FRMPD4: variants seen among roughly 807,000 people sequenced by gnomAD.
FRMPD4 encodes the protein FERM and PDZ domain-containing protein 4.
A neutral mutation model predicts 94.1 loss-of-function variants in FRMPD4; 22 were observed. That is an observed-to-expected ratio of 0.23 (90% CI 0.17 to 0.33). The LOEUF (loss-of-function observed/expected upper bound fraction) is 0.33. Among genes scored for constraint, FRMPD4 ranks in the 10% least tolerant of loss-of-function variants. The pLI is 1.00. For missense variants in FRMPD4, 1,111 were observed against 1,339.9 expected, an observed-to-expected ratio of 0.83 and a Z score of 2.67; for synonymous variants, 631 against 548.6, an observed-to-expected ratio of 1.15 and a Z score of -2.10.
At chrX:12,395,401 A>G (rs1341107205) in intron 1 of FRMPD4, among the ~76,000 whole-genome samples, 1 of 112,410 alleles carries the variant, frequency 8.9e-6, no homozygotes, top group Non-Finnish European at 1.9e-5. Context: ...TATTTTAAGG[A>G]GCAAAGTTTT....
chrX:11,994,799 C>CA (rs769771237), intron 3 of FRMPD4, among the ~76,000 whole-genome samples: 230 of 111,801 alleles, frequency 2.1e-3, no homozygotes, highest in Non-Finnish European at 3.7e-3. Flanking sequence ...GGGGCTTATT[C>CA]ATCTCAGTAA....
intron 11 of FRMPD4, among the ~76,000 whole-genome samples, chrX:12,706,086 C>T (rs1251697882): frequency 9.7e-6 from 1 of 102,997 alleles, no homozygotes; most frequent in African/African-American, 3.5e-5. Flanking sequence ...AAACATGGAC[C>T]TTTTTTTTTT....
intron 1 of FRMPD4, among the ~76,000 whole-genome samples, chrX:11,840,744 T>A (rs866867394): frequency 1.4e-3 from 148 of 106,142 alleles, no homozygotes; most frequent in Admixed American, 6.6e-3. Context: ...TATTTTTTTT[T>A]AATTTTATTA....
In FRMPD4 at chrX:12,387,710, T is replaced by C. The variant is rs184193858; in HGVS notation, c.42-110970T>C. Among the ~76,000 whole-genome samples, 1,100 of 110,196 alleles carry C rather than the reference T, an allele frequency of 1.0e-2. 19 individuals carry two copies. The highest frequency in any genetic ancestry group is 0.034 in the African/African-American group (1,043 of 30,361). Reference sequence around the variant, plus strand: ...GGACTGCTGTTTTTTGTTTGTTTTTTTTTTTCCTGTAAGTCTCTGAGGACT... The same window carrying C: ...GGACTGCTGTTTTTTGTTTGTTTTTCTTTTTCCTGTAAGTCTCTGAGGACT... On this transcript the variant is annotated intron_variant, in intron 1 of 16. Transcript: ENST00000675598.
intron 14 of FRMPD4, among the ~76,000 whole-genome samples, chrX:12,715,808 C>T (rs1188248786): frequency 8.9e-6 from 1 of 111,944 alleles, no homozygotes; most frequent in African/African-American, 3.2e-5. Flanking sequence ...TTCCCTACCC[C>T]CAGATGGTAT....
In FRMPD4 at chrX:12,573,916, G is replaced by A. The variant is rs2058783572; in HGVS notation, c.159-35805G>A. ...AGACATTAAAGATTTTTTTTTTAATGTAAAGCAGTGCCACTCTTCTAAATT... is the reference window on the plus strand; with the variant it reads ...AGACATTAAAGATTTTTTTTTTAATATAAAGCAGTGCCACTCTTCTAAATT... On this transcript the variant is annotated intron_variant, in intron 2 of 16. Transcript: ENST00000675598. 2.7e-5 allele frequency among the ~76,000 whole-genome samples: 3 copies of A among 112,182 alleles called. No homozygotes were observed. In the Admixed American group the frequency reaches 2.8e-4, roughly 11 times the overall value.
At position 12,002,485 on chromosome X, in the gene FRMPD4, G is replaced by A. The variant is rs143625089; in HGVS notation, c.95+124467G>A. 3.0e-4 allele frequency among the ~76,000 whole-genome samples: 34 copies of A among 112,244 alleles called. 1 individual carries two copies. In the East Asian group the frequency reaches 9.5e-3, roughly 31 times the overall value. ...AGCCAAGTAAAATTAAGTAATGTTA[G>A]AAGTCAAAGGTGACCAAACAGCATT... On this transcript the variant is annotated intron_variant, in intron 3 of 18. Transcript: ENST00000640291.
chrX:12,086,496 T>C lies in FRMPD4; in HGVS notation c.95+208478T>C, dbSNP rs760185610. 4.5e-5 allele frequency among the ~76,000 whole-genome samples: 5 copies of C among 111,837 alleles called. No homozygotes were observed. The South Asian group carries it at 1.9e-3, about 42-fold the overall frequency. On this transcript the variant is annotated intron_variant, in intron 3 of 18. Coordinates refer to the FRMPD4 transcript ENST00000640291. ...TGGAATGGATATGTGACTGGGTCAT[T>C]AATGTTTAATCTATCAGAGAGTAAT...
At chrX:12,582,080 G>A (rs1483053390) in intron 2 of FRMPD4, among the ~76,000 whole-genome samples, 1 of 111,717 alleles carries the variant, frequency 9.0e-6, no homozygotes, top group Non-Finnish European at 1.9e-5. Flanking sequence ...AACAATGCCC[G>A]GCACATAATA....
chrX:11,973,233 A>G (rs2054350217), intron 3 of FRMPD4, among the ~76,000 whole-genome samples: 1 of 112,768 alleles, frequency 8.9e-6, no homozygotes, highest in Non-Finnish European at 1.9e-5. Flanking sequence ...TATAGCTATG[A>G]ATAAAGAAAT....
chrX:11,825,060 G>T (rs1206150682), intron 1 of FRMPD4, among the ~76,000 whole-genome samples: 1 of 110,627 alleles, frequency 9.0e-6, no homozygotes, highest in African/African-American at 3.3e-5. Context: ...ACTCTCAAAG[G>T]ATAAAACTGT....
chrX:11,868,322 C>T (rs2053734117), intron 2 of FRMPD4, among the ~76,000 whole-genome samples: 1 of 111,822 alleles, frequency 8.9e-6, no homozygotes, highest in African/African-American at 3.3e-5. Flanking sequence ...GAGCCAAATG[C>T]TATGAGAACT....
intron 3 of FRMPD4, among the ~76,000 whole-genome samples, chrX:12,047,569 A>G (rs1446539263): frequency 8.9e-6 from 1 of 111,919 alleles, no homozygotes; most frequent in Admixed American, 9.5e-5. Context: ...ATTTTGTGTG[A>G]TACTGAGGTT....
intron 1 of FRMPD4, among the ~76,000 whole-genome samples, chrX:12,154,141 AG>A (rs1276741556): frequency 8.9e-6 from 1 of 112,961 alleles, no homozygotes; most frequent in African/African-American, 3.2e-5. Context: ...ATGTAGATAC[AG>A]ATTTAGATAT....
intron 3 of FRMPD4, among the ~76,000 whole-genome samples, chrX:11,951,990 G>A (rs1287233881): frequency 8.9e-6 from 1 of 112,125 alleles, no homozygotes; most frequent in East Asian, 2.8e-4. Context: ...GAGTCATAAT[G>A]GCGCCACTGT....
chrX:12,204,615 C>A (rs938545170), intron 1 of FRMPD4, among the ~76,000 whole-genome samples: 1 of 110,518 alleles, frequency 9.0e-6, no homozygotes, highest in Non-Finnish European at 1.9e-5. Flanking sequence ...CTGAGAGCAG[C>A]CTGTCTGTCA....
chrX:12,515,600 C>T (rs1410128638), intron 2 of FRMPD4, among the ~76,000 whole-genome samples: 1 of 111,967 alleles, frequency 8.9e-6, no homozygotes, highest in East Asian at 2.8e-4. Context: ...GAGTGTTTCA[C>T]TTCCCTTTAT....
chrX:12,382,000 A>T (rs2056324350), intron 1 of FRMPD4, among the ~76,000 whole-genome samples: 1 of 110,593 alleles, frequency 9.0e-6, no homozygotes, highest in African/African-American at 3.3e-5. Flanking sequence ...GAGCAAGAAG[A>T]CCTGGTGGAG....
At chrX:11,925,828 T>C (rs5933931) in intron 3 of FRMPD4, among the ~76,000 whole-genome samples, 44,716 of 110,086 alleles carry the variant, frequency 0.41, 6,633 homozygotes, top group East Asian at 0.82. Flanking sequence ...AACAACCTAA[T>C]ATCACAACTG....
Sources: gnomAD v4.1 joint callset for allele counts (sites outside exome capture counted in the v4.1 genomes callset) on GRCh38, gnomAD v4.1.1 for gene constraint, MANE v1.5 for transcripts, NCBI Gene and HGNC (gene_info 2026-07-23, HGNC 2026-07-21) for gene names.